Variants in SGO1 observed in about 807,000 individuals in gnomAD.
The protein encoded by SGO1 is serologically defined breast cancer antigen NY-BR-85.
Under a neutral mutation model 50.5 loss-of-function variants are expected in SGO1, and 39 were observed. The observed-to-expected ratio is 0.77, with a 90% CI of 0.60 to 1.01. The LOEUF (loss-of-function observed/expected upper bound fraction) is 1.01, where lower values mean the gene tolerates loss of function less well. Ranked by LOEUF, SGO1 falls within the 50% of genes least tolerant of loss-of-function variation. The probability of loss-of-function intolerance (pLI) is 0.00; values close to 1 mark genes in which losing one functional copy is unlikely to be tolerated. For synonymous variants in SGO1, 191 were observed against 205.1 expected (o/e 0.93, Z 0.59); for missense variants, 638 against 606.0 (o/e 1.05, Z -0.55).
At chr3:20,184,819 C>A (rs555252245) in intron 1 of SGO1, among the ~76,000 whole-genome samples, 1 of 133,392 alleles carries the variant, frequency 7.5e-6, no homozygotes, top group Admixed American at 7.5e-5. Context: ...TATACTTAAT[C>A]TTTCAACGTT....
chr3:20,167,165 A>G (rs543913779), downstream of SGO1, among the ~76,000 whole-genome samples: 1 of 152,336 alleles, frequency 6.6e-6, no homozygotes, highest in South Asian at 2.1e-4. Context: ...AGGAATATTC[A>G]GCAGTGGGGA....
chr3:20,175,146 TGACC>T, intron 5 of SGO1, 91 bp from the exon 6 acceptor site: 1 of 1,282,688 alleles, frequency 7.8e-7, no homozygotes, highest in East Asian at 2.7e-5. Flanking sequence ...AAAAAGTGAA[TGACC>T]AAAAGGTCAT....
In SGO1 at chr3:20,171,043, G is replaced by A. The variant is rs768090464; in HGVS notation, c.1472C>T (p.Ser491Leu). ...SVNYKEPTLASKLRRGDPFTD... is the reference protein window; with the variant it reads ...SVNYKEPTLALKLRRGDPFTD... Reference sequence around the variant, plus strand: ...AAGTTCCCACAAACCAAATACTTACGAAGCGAGGGTGGGCTCCTTATAGTT... The same window carrying A: ...AAGTTCCCACAAACCAAATACTTACAAAGCGAGGGTGGGCTCCTTATAGTT... The change falls in exon 7 of 8, where the codon TCG becomes TTG. Residue 491 changes from serine to leucine, a missense_variant and splice_region_variant. Ser to Leu is a moderately radical substitution (Grantham distance 145). Transcript: ENST00000412997. 5.7e-6 allele frequency: 9 copies of A among 1,578,960 alleles called. No individual in the cohort carries two copies. Among genetic ancestry groups the A allele is most frequent in the Admixed American group, 4.0e-5 (2 of 49,554 alleles).
chr3:20,170,634 T>G lies in SGO1; in HGVS notation c.*70A>C. On this transcript the variant is annotated 3_prime_UTR_variant, in exon 8 of 8. Transcript: ENST00000412997. ...GCAATGGCTCACTCTGTTTGTGTACTCTTACAGATCCTCTCCTGAAGCAAC... is the reference window on the plus strand; with the variant it reads ...GCAATGGCTCACTCTGTTTGTGTACGCTTACAGATCCTCTCCTGAAGCAAC... 1 of 1,456,674 alleles carries G rather than the reference T, an allele frequency of 6.9e-7. No homozygotes were observed. The highest frequency in any genetic ancestry group is 9.0e-7 in the Non-Finnish European group (1 of 1,112,112). The allele number at this position is 1,456,674 out of a possible 1,614,324, so 90.2% of individuals were successfully genotyped here.
At chr3:20,170,956 A>T in intron 7 of SGO1, 87 bp downstream of exon 7, 1 of 1,473,818 alleles carries the variant, frequency 6.8e-7, no homozygotes, top group Non-Finnish European at 9.1e-7. Flanking sequence ...ATATTTCAGA[A>T]AAAACTCATT....
In SGO1 at chr3:20,170,551, A is replaced by T; in HGVS notation, c.*153T>A. 7.9e-7 allele frequency: 1 copy of T among 1,266,494 alleles called. No individual in the cohort carries two copies. Among genetic ancestry groups the T allele is most frequent in the Admixed American group, 4.1e-5 (1 of 24,232 alleles). 78.5% of individuals were successfully genotyped at this position (1,266,494 alleles called of 1,614,324 possible). A position where few individuals can be genotyped will look rare whatever the true frequency, so the allele number is the denominator to read the frequency against. On this transcript the variant is annotated 3_prime_UTR_variant, in exon 8 of 8. Coordinates refer to ENST00000412997, the MANE Select transcript of SGO1 (RefSeq NM_001199251.3). ...GTTTTAATACAAAGCATCCCATTTG[A>T]AGTATAGTTCTGAAGAAATGTTTAT...
chr3:20,160,966 A>G, exon 9 of SGO1: 2 of 1,301,748 alleles, frequency 1.5e-6, no homozygotes, highest in East Asian at 2.4e-5. Context: ...TTTATTATGT[A>G]TGTAGGCTGA....
chr3:20,162,904 GAA>G (rs1700113383), intron 8 of SGO1, among the ~76,000 whole-genome samples: 1 of 151,578 alleles, frequency 6.6e-6, no homozygotes, highest in Non-Finnish European at 1.5e-5. Flanking sequence ...CCAGAGGGAA[GAA>G]AAGACTAAAA....
chr3:20,175,041 T>A lies in SGO1; in HGVS notation c.490A>T (p.Ile164Phe). ...SFQIEDQIPT[I>F]PQDTLGVDFD... is the part of the protein sequence containing the mutation. Reference sequence around the variant, plus strand: ...TCAACTCCCAGTGTGTCTTGAGGAATAGTAGGTATCTGATCTGAGAATTTA... The same window carrying A: ...TCAACTCCCAGTGTGTCTTGAGGAAAAGTAGGTATCTGATCTGAGAATTTA... Residue 164 changes from isoleucine to phenylalanine, a missense_variant, in exon 6 of 8, where the codon ATT (isoleucine) becomes TTT (phenylalanine). Coordinates refer to ENST00000412997, the MANE Select transcript of SGO1 (RefSeq NM_001199251.3). 2 of 1,538,984 alleles carry A rather than the reference T, an allele frequency of 1.3e-6. No individual in the cohort carries two copies. Among genetic ancestry groups the A allele is most frequent in the Non-Finnish European group, 1.8e-6 (2 of 1,141,824 alleles).
intron 1 of SGO1, among the ~76,000 whole-genome samples, chr3:20,185,192 A>G (rs1417125397): frequency 2.6e-5 from 4 of 152,194 alleles, no homozygotes; most frequent in Non-Finnish European, 4.4e-5. Context: ...CTATTTTTAA[A>G]AGCACGAACG....
At chr3:20,176,723 T>C in intron 4 of SGO1, 64 bp from the exon 5 acceptor site, 1 of 1,098,374 alleles carries the variant, frequency 9.1e-7, no homozygotes, top group Non-Finnish European at 1.3e-6. Flanking sequence ...ATTCAGTATT[T>C]TCCTAAATTA....
At chr3:20,162,892 G>T (rs1381397680) in intron 8 of SGO1, among the ~76,000 whole-genome samples, 1 of 151,214 alleles carries the variant, frequency 6.6e-6, no homozygotes, top group African/African-American at 2.4e-5. Flanking sequence ...CCAAAATGAA[G>T]CCCAGAGGGA....
rs764289230 is a variant in SGO1 at position 20,171,051 on chromosome 3, G to T, written c.1464C>A (p.Thr488=). The T allele has an allele frequency of 1.5e-5, 23 of 1,585,636 alleles. No homozygotes were observed. Among genetic ancestry groups the T allele is most frequent in the Non-Finnish European group, 2.0e-5 (23 of 1,171,968 alleles). The change falls in exon 7 of 8, where the codon ACC becomes ACA. Residue 488 remains threonine (T), a synonymous_variant. Transcript: ENST00000412997. ...CTASVNYKEP[T]LASKLRRGDP... is the part of the protein sequence containing the mutation. ...ACAAACCAAATACTTACGAAGCGAG[G>T]GTGGGCTCCTTATAGTTCACGCTGG...
At chr3:20,186,526 TTG>T (rs1702687323), upstream of SGO1, 1 of 152,184 alleles carries the variant, frequency 6.6e-6, no homozygotes, top group Non-Finnish European at 1.5e-5. Context: ...ATGTCCCGGG[TTG>T]TGCTCAAAGC....
downstream of SGO1, chr3:20,169,120 T>A (rs1700474215): frequency 1.0e-6 from 1 of 985,086 alleles, no homozygotes; most frequent in Admixed American, 6.2e-5. Context: ...TTTGGGATGA[T>A]GAAAAGGATT....
At chr3:20,178,733 A>G (rs1701676784) in intron 3 of SGO1, among the ~76,000 whole-genome samples, 2 of 152,344 alleles carry the variant, frequency 1.3e-5, no homozygotes, top group African/African-American at 4.8e-5. Context: ...GGCAGTGGAA[A>G]CAGCAAATAC....
Position 20,161,121 on chromosome 3 carries a change from TG to T in SGO1, c.1669del (p.His557ThrfsTer4). 3 of 1,613,906 alleles carry T rather than the reference TG, an allele frequency of 1.9e-6. No individual in the cohort carries two copies. Among genetic ancestry groups the T allele is most frequent in the African/African-American group, 1.3e-5 (1 of 75,012 alleles). On this transcript the variant is annotated frameshift_variant, in exon 9 of 9. Transcript: ENST00000263753. LOFTEE classifies it high-confidence loss of function. ...CCGTGGACTTTACCTCAAGCAGATG[TG>T]GGTTTCAAGTTTACATTTCCTACAG...
At chr3:20,172,862 A>G (rs1279912024) in intron 6 of SGO1, among the ~76,000 whole-genome samples, 2 of 148,974 alleles carry the variant, frequency 1.3e-5, no homozygotes, top group Non-Finnish European at 3.0e-5. Context: ...AGTACTGGGG[A>G]GGCTGAGGTG....
At chr3:20,179,619 G>A (rs1053179999) in intron 3 of SGO1, among the ~76,000 whole-genome samples, 2 of 151,854 alleles carry the variant, frequency 1.3e-5, no homozygotes, top group Admixed American at 6.6e-5. Context: ...GTAGAGATGG[G>A]AGTCTTGCTG....
Sources: allele counts gnomAD v4.1 joint callset (sites outside exome capture counted in the v4.1 genomes callset), GRCh38; gene constraint gnomAD v4.1.1; transcripts MANE v1.5; gene names NCBI Gene and HGNC (gene_info 2026-07-23, HGNC 2026-07-21).